ACSL1: variants seen among roughly 807,000 people sequenced by gnomAD.
ACSL1 encodes the protein long-chain-fatty-acid--CoA ligase 1.
In ACSL1, 41 loss-of-function variants were observed where a neutral mutation model predicts 98.4. That is an observed-to-expected ratio of 0.42 (90% CI 0.32 to 0.54). The LOEUF is 0.54. Among genes scored for constraint, ACSL1 ranks in the 20% least tolerant of loss-of-function variants. The pLI is 0.13. For missense variants in ACSL1, 734 were observed against 883.1 expected, an observed-to-expected ratio of 0.83 and a Z score of 2.14; for synonymous variants, 316 against 322.7, an observed-to-expected ratio of 0.98 and a Z score of 0.22.
At chr4:184,821,472 G>A (rs1773067693) in intron 1 of ACSL1, among the ~76,000 whole-genome samples, 1 of 152,184 alleles carries the variant, frequency 6.6e-6, no homozygotes, top group Non-Finnish European at 1.5e-5. Context: ...TTCCTCCTCT[G>A]ATGCCCTAAC....
intron 2 of ACSL1, among the ~76,000 whole-genome samples, chr4:184,789,814 C>G (rs1024701738): frequency 6.6e-6 from 1 of 151,780 alleles, no homozygotes; most frequent in East Asian, 1.9e-4. Context: ...CAGACATCCA[C>G]AGAAAGCCAA....
At chr4:184,808,106 C>T (rs984317845) in intron 1 of ACSL1, among the ~76,000 whole-genome samples, 3 of 152,212 alleles carry the variant, frequency 2.0e-5, no homozygotes, top group Non-Finnish European at 2.9e-5. Flanking sequence ...CCTCTGAACA[C>T]GTGGTGAGTT....
At chr4:184,812,989 C>T (rs749811703) in intron 1 of ACSL1, among the ~76,000 whole-genome samples, 11 of 152,200 alleles carry the variant, frequency 7.2e-5, no homozygotes, top group African/African-American at 1.2e-4. Context: ...CTGAGATGTA[C>T]GGAATGCTGA....
At chr4:184,779,510 C>A (rs1255437051) in intron 5 of ACSL1, among the ~76,000 whole-genome samples, 2 of 152,186 alleles carry the variant, frequency 1.3e-5, no homozygotes, top group African/African-American at 4.8e-5. Context: ...AGAAACCGTG[C>A]TGGGCTTAGA....
rs184397096 is a variant in ACSL1 at position 184,766,190 on chromosome 4, A to G, written c.1264-204T>C. The stretch of plus-strand genomic sequence containing the variant: ...CCCGTGACTGCCCTGTTCCCTCCCA[A>G]TGGGGATGGAAGTCAGCCCCACCTC... On this transcript the variant is annotated intron_variant, in intron 13 of 20. Transcript: ENST00000281455. This position sits in a 1 kb window ranked among gnomAD's most constrained non-coding sequence, Gnocchi z 4.8. Among the ~76,000 whole-genome samples, 10 of 152,274 alleles carry G rather than the reference A, an allele frequency of 6.6e-5. No homozygotes were observed. Among genetic ancestry groups the G allele is most frequent in the Admixed American group, 3.9e-4 (6 of 15,302 alleles).
chr4:184,770,507 A>C (rs765512930), intron 10 of ACSL1, 31 bp from the exon 11 acceptor site: 2 of 1,444,048 alleles, frequency 1.4e-6, no homozygotes, highest in African/African-American at 2.9e-5. Flanking sequence ...AAGGCAGAAA[A>C]GCATTAAGAC....
chr4:184,769,008 G>T (rs1764076543), intron 11 of ACSL1, among the ~76,000 whole-genome samples: 1 of 151,930 alleles, frequency 6.6e-6, no homozygotes, highest in Non-Finnish European at 1.5e-5. Context: ...GGCGGAGATT[G>T]CAGTGGGCTG....
At chr4:184,809,145 G>A (rs13112568) in intron 1 of ACSL1, among the ~76,000 whole-genome samples, 40,487 of 152,146 alleles carry the variant, frequency 0.27, 6,861 homozygotes, top group Non-Finnish European at 0.38. Flanking sequence ...CAAAGCAGAT[G>A]CCCTGATTTT....
chr4:184,764,011 C>A (rs1293975419), intron 15 of ACSL1, among the ~76,000 whole-genome samples: 4 of 152,132 alleles, frequency 2.6e-5, no homozygotes, highest in Non-Finnish European at 5.9e-5. Flanking sequence ...AATTCCAGGA[C>A]AATGATGTTA....
At chr4:184,771,581 C>G (rs775178925) in intron 10 of ACSL1, among the ~76,000 whole-genome samples, 16 of 152,136 alleles carry the variant, frequency 1.1e-4, no homozygotes, top group Non-Finnish European at 2.1e-4. Context: ...TGGTTTCCCT[C>G]AGAATGGGCC....
intron 4 of ACSL1, among the ~76,000 whole-genome samples, chr4:184,783,645 C>T (rs1226693684): frequency 1.3e-5 from 2 of 152,134 alleles, no homozygotes; most frequent in Non-Finnish European, 2.9e-5. Context: ...CCAGGGGGAC[C>T]GGGAGAGTTT....
chr4:184,811,201 T>C (rs1006624422), intron 1 of ACSL1, among the ~76,000 whole-genome samples: 10 of 151,086 alleles, frequency 6.6e-5, no homozygotes, highest in Admixed American at 2.6e-4. Context: ...CTCCGCCTTC[T>C]GGGTTCACGC....
chr4:184,766,709 A>T lies in ACSL1; in HGVS notation c.1176T>A (p.Phe392Leu). Residue 392 changes from phenylalanine to leucine, a missense_variant, in exon 13 of 21, where the codon TTT becomes TTA. Physicochemically the swap from Phe to Leu is conservative, Grantham distance 22 (BLOSUM62 0). Transcript: ENST00000281455. The surrounding 1 kb of genome is among the most constrained non-coding windows in gnomAD (Gnocchi z 4.8). ...GCTCTGCTTCTTTCCTCTTGGAGGCAAAGTCCAAGAGCCATCGCTTCAGCG... is the reference window on the plus strand; with the variant it reads ...GCTCTGCTTCTTTCCTCTTGGAGGCTAAGTCCAAGAGCCATCGCTTCAGCG... ...NTTLKRWLLD[F>L]ASKRKEAELR... 1 of 1,614,004 alleles carries T rather than the reference A, an allele frequency of 6.2e-7. No homozygotes were observed. The highest frequency in any genetic ancestry group is 1.3e-5 in the African/African-American group (1 of 75,016).
At chr4:184,817,317 A>C (rs1224589702) in intron 1 of ACSL1, among the ~76,000 whole-genome samples, 1 of 152,168 alleles carries the variant, frequency 6.6e-6, no homozygotes, top group Non-Finnish European at 1.5e-5. Flanking sequence ...TGCACCCCTC[A>C]CATTAAATGC....
In ACSL1 at chr4:184,825,303, T is replaced by A; in HGVS notation, c.-33+613A>T. The A allele has an allele frequency of 1.0e-6, 1 of 957,130 alleles. No homozygotes were observed. 59.3% of individuals were successfully genotyped at this position (957,130 alleles called of 1,614,324 possible). A position where few individuals can be genotyped will look rare whatever the true frequency, so the allele number is the denominator to read the frequency against. ...TCAAAAAATGCCAGCACTCCTTAGA[T>A]CAATGACTCCACGGCCAAGTGCAAG... On this transcript the variant is annotated intron_variant, in intron 1 of 20. Transcript: ENST00000281455. The surrounding 1 kb of genome is among the most constrained non-coding windows in gnomAD (Gnocchi z 4.7).
At chr4:184,811,848 T>A (rs998200947) in intron 1 of ACSL1, among the ~76,000 whole-genome samples, 1 of 152,022 alleles carries the variant, frequency 6.6e-6, no homozygotes. Context: ...AAAAAAAGTT[T>A]AATTATTTTT....
chr4:184,768,502 A>ACAACATATGGACAACATC, intron 11 of ACSL1, 52 bp from the exon 12 acceptor site: 1 of 1,575,508 alleles, frequency 6.3e-7, no homozygotes, highest in South Asian at 1.2e-5. Flanking sequence ...CAGGGGTTAC[A>ACAACATATGGACAACATC]CAACATATGG....
intron 15 of ACSL1, 96 bp downstream of exon 15, chr4:184,764,757 G>T: frequency 9.2e-7 from 1 of 1,092,492 alleles, no homozygotes; most frequent in Non-Finnish European, 1.3e-6. Context: ...TGTTTAAGAT[G>T]GTTAATGAAC....
At chr4:184,798,109 A>G (rs1182733778) in intron 2 of ACSL1, among the ~76,000 whole-genome samples, 1 of 152,238 alleles carries the variant, frequency 6.6e-6, no homozygotes, top group Non-Finnish European at 1.5e-5. Flanking sequence ...AAACGAGATC[A>G]GTTATACCCA....
Sources: allele counts gnomAD v4.1 joint callset (sites outside exome capture counted in the v4.1 genomes callset), GRCh38; gene constraint gnomAD v4.1.1; non-coding constraint Gnocchi (gnomAD v3.1); transcripts MANE v1.5; gene names NCBI Gene and HGNC (gene_info 2026-07-23, HGNC 2026-07-21).